The following NTNG2 variants were observed in gnomAD, a reference collection of about 807,000 sequenced individuals.
NTNG2 encodes the protein netrin-G2.
NTNG2 carries 15 observed loss-of-function variants against 47.6 expected under a neutral mutation model. That is an observed-to-expected ratio of 0.32 (90% CI 0.21 to 0.49). The LOEUF (loss-of-function observed/expected upper bound fraction) is 0.49. Among genes scored for constraint, NTNG2 ranks in the 20% least tolerant of loss-of-function variants. The pLI, the probability that NTNG2 is intolerant of heterozygous loss-of-function variation, is 0.99. For missense variants in NTNG2, 578 were observed against 764.6 expected (o/e 0.76, Z 2.88); for synonymous variants, 307 against 324.6 (o/e 0.95, Z 0.58).
intron 7 of NTNG2, 29 bp from the exon 8 acceptor site, chr9:132,241,847 C>T: frequency 1.3e-6 from 2 of 1,501,832 alleles, no homozygotes; most frequent in Non-Finnish European, 1.8e-6. Flanking sequence ...CGGGCCACCC[C>T]CCGTGCTGAC....
At chr9:132,241,090 C>G (rs1213502492) in intron 7 of NTNG2, 46 bp downstream of exon 7, 64 of 1,501,054 alleles carry the variant, frequency 4.3e-5, no homozygotes, top group Non-Finnish European at 5.2e-5. Context: ...GGAAAGGGGA[C>G]GGGGCAGGAC....
chr9:132,166,852 C>T lies in NTNG2; in HGVS notation c.21C>T (p.Leu7=), dbSNP rs775524745. MLHLLA[L]FLHCLPLASG... The stretch of plus-strand genomic sequence containing the variant: ...CAGCCATGCTGCATCTGCTGGCGCT[C>T]TTCCTGCACTGCCTCCCTCTGGCCT... The change falls in exon 2 of 8, where the codon CTC becomes CTT. Residue 7 remains leucine (L), a synonymous_variant. Coordinates refer to ENST00000393229, the MANE Select transcript of NTNG2 (RefSeq NM_032536.4). The T allele has an allele frequency of 6.2e-7, 1 of 1,614,174 alleles. No individual in the cohort carries two copies. The highest frequency in any genetic ancestry group is 1.1e-5 in the South Asian group (1 of 91,084).
chr9:132,180,287 C>T lies in NTNG2; in HGVS notation c.213+13243C>T, dbSNP rs533394652. Among the ~76,000 whole-genome samples, 17 of 152,366 alleles carry T rather than the reference C, an allele frequency of 1.1e-4. No homozygotes were observed. The highest frequency in any genetic ancestry group is 3.8e-4 in the African/African-American group (16 of 41,588). ...AAGAGACCAATGAGAGATGAGCCCA[C>T]GGTGCTCCTGCCCTCCACCAAGGCA... On this transcript the variant is annotated intron_variant, in intron 2 of 7. Coordinates refer to ENST00000393229, the MANE Select transcript of NTNG2 (RefSeq NM_032536.4). This position sits in a 1 kb window ranked among gnomAD's most constrained non-coding sequence, Gnocchi z 4.2.
At chr9:132,237,442 C>T (rs1022096712) in intron 5 of NTNG2, among the ~76,000 whole-genome samples, 11 of 152,180 alleles carry the variant, frequency 7.2e-5, no homozygotes, top group Non-Finnish European at 1.5e-4. Context: ...CCTGCCGCTG[C>T]CCCTGCCCCT....
chr9:132,163,816 G>A lies in NTNG2; in HGVS notation c.-484+1577G>A, dbSNP rs184051648. Among the ~76,000 whole-genome samples, 11 of 152,370 alleles carry A rather than the reference G, an allele frequency of 7.2e-5. No individual in the cohort carries two copies. In the East Asian group the frequency reaches 2.1e-3, roughly 29 times the overall value. ...AGAGAAATCTGAGTTCAGAAATCCT[G>A]ATAAAATCTAATTTTCGAGTTTTAA... On this transcript the variant is annotated intron_variant, in intron 1 of 7. Transcript: ENST00000393229. This position sits in a 1 kb window ranked among gnomAD's most constrained non-coding sequence, Gnocchi z 7.2.
rs889176937 is a variant in NTNG2, at chr9:132,180,087, G to A, written c.213+13043G>A. Among the ~76,000 whole-genome samples the A allele has an allele frequency of 3.9e-5, 6 of 152,152 alleles. No individual in the cohort carries two copies. Among genetic ancestry groups the A allele is most frequent in the Non-Finnish European group, 5.9e-5 (4 of 68,038 alleles). On this transcript the variant is annotated intron_variant, in intron 2 of 7. Coordinates refer to ENST00000393229, the MANE Select transcript of NTNG2 (RefSeq NM_032536.4). The surrounding 1 kb of genome is among the most constrained non-coding windows in gnomAD (Gnocchi z 4.2). ...TTCTGTCCCAGGGCAGTTTGTCTTG[G>A]GTCTCTCAGGGACCGTTTGGGCCTC...
chr9:132,228,335 C>T (rs1340078709), intron 4 of NTNG2, among the ~76,000 whole-genome samples: 2 of 152,228 alleles, frequency 1.3e-5, no homozygotes, highest in Non-Finnish European at 2.9e-5. Context: ...CTCGGGTCTT[C>T]AAAGGCACAA....
intron 5 of NTNG2, among the ~76,000 whole-genome samples, chr9:132,234,722 G>A (rs879611108): frequency 3.3e-5 from 5 of 152,252 alleles, no homozygotes; most frequent in South Asian, 4.1e-4. Context: ...AGGCTCTGAA[G>A]CAAATGCCTT....
At chr9:132,161,960 C>G (rs1030454461), upstream of NTNG2, 1 of 150,412 alleles carries the variant, frequency 6.6e-6, no homozygotes, top group Non-Finnish European at 1.5e-5. The surrounding 1 kb of genome is among the most constrained non-coding windows in gnomAD (Gnocchi z 7.2). Context: ...TCAGCCCGGG[C>G]GGGCGATGCG....
chr9:132,162,689 C>T lies in NTNG2; in HGVS notation c.-484+450C>T, dbSNP rs574141114. Among the ~76,000 whole-genome samples, 114 of 151,314 alleles carry T rather than the reference C, an allele frequency of 7.5e-4. 1 individual carries two copies. In the South Asian group the frequency reaches 0.013, roughly 17 times the overall value. On this transcript the variant is annotated intron_variant, in intron 1 of 7. Transcript: ENST00000393229. This position sits in a 1 kb window ranked among gnomAD's most constrained non-coding sequence, Gnocchi z 4.6. ...AACTAACCCTGCTCCCGCGCCTCTC[C>T]CCCACCCCAATTCCACCGCCACCGC...
rs568463296 is a variant in NTNG2, at chr9:132,162,064, A to ACGGCGGCGG, written c.-648_-640dup. 4,206 of 149,880 alleles carry ACGGCGGCGG rather than the reference A, an allele frequency of 0.028. 147 individuals are homozygous for ACGGCGGCGG. The highest frequency in any genetic ancestry group is 0.042 in the Non-Finnish European group (2,848 of 67,502). 9.3% of individuals were successfully genotyped at this position (149,880 alleles called of 1,614,324 possible). A position where few individuals can be genotyped will look rare whatever the true frequency, so the allele number is the denominator to read the frequency against. Reference sequence around the variant, plus strand: ...CGGAGGGCTCCCTGGCCCCGATCTGACGGCGGCGGCGGCGGCGGCCACAGC... The same window carrying ACGGCGGCGG: ...CGGAGGGCTCCCTGGCCCCGATCTGACGGCGGCGGCGGCGGCGGCGGCGGCGGCCACAGC... On this transcript the variant is annotated 5_prime_UTR_variant, in exon 1 of 8. Transcript: ENST00000393229. This position sits in a 1 kb window ranked among gnomAD's most constrained non-coding sequence, Gnocchi z 4.6.
rs1290671332 is a variant in NTNG2, at chr9:132,242,671, G to C, written c.*560G>C. On this transcript the variant is annotated 3_prime_UTR_variant, in exon 8 of 8. Coordinates refer to ENST00000393229, the MANE Select transcript of NTNG2 (RefSeq NM_032536.4). The surrounding 1 kb of genome is among the most constrained non-coding windows in gnomAD (Gnocchi z 5.9). ...CCACGGAACTCACCGTCTGGGGGAGGAGGAGAGAAGGAAGGGGTGGGGGGC... is the reference window on the plus strand; with the variant it reads ...CCACGGAACTCACCGTCTGGGGGAGCAGGAGAGAAGGAAGGGGTGGGGGGC... 1 of 152,414 alleles carries C rather than the reference G, an allele frequency of 6.6e-6. No homozygotes were observed. The highest frequency in any genetic ancestry group is 2.4e-5 in the African/African-American group (1 of 41,412). 9.4% of individuals were successfully genotyped at this position (152,414 alleles called of 1,614,324 possible).
At chr9:132,211,197 GCCTCTTTCCACTCTGTGGGACAAAGCCC>G (rs1455573998) in intron 3 of NTNG2, among the ~76,000 whole-genome samples, 1 of 152,140 alleles carries the variant, frequency 6.6e-6, no homozygotes, top group African/African-American at 2.4e-5. Context: ...GTTCCTGGAG[GCCTCTTTCCACTCTGTGGGACAAAGCCC>G]CCTCTGGGCT....
chr9:132,169,865 C>T (rs551478190), intron 2 of NTNG2, among the ~76,000 whole-genome samples: 50 of 152,332 alleles, frequency 3.3e-4, no homozygotes, highest in African/African-American at 1.2e-3. Context: ...CTTTGCCTCT[C>T]CCCAGCCTTG....
chr9:132,220,123 C>T (rs568967573), intron 3 of NTNG2, among the ~76,000 whole-genome samples: 3 of 152,288 alleles, frequency 2.0e-5, no homozygotes, highest in African/African-American at 7.2e-5. Context: ...GCTTCTTGGC[C>T]ATTTGTATGC....
At chr9:132,237,581 G>T (rs916283166) in intron 5 of NTNG2, among the ~76,000 whole-genome samples, 1 of 152,166 alleles carries the variant, frequency 6.6e-6, no homozygotes, top group South Asian at 2.1e-4. Flanking sequence ...CCCATCCGCC[G>T]CTGGAAAAAG....
rs371287050 is a variant in NTNG2 at position 132,223,568 on chromosome 9, T to C, written c.858-3281T>C. ...TGCCAGTTACACATCCTCAAAACAA[T>C]CTCTGAATGGACGAGAGCCAGTCAG... On this transcript the variant is annotated intron_variant, in intron 3 of 7. Coordinates refer to ENST00000393229, the MANE Select transcript of NTNG2 (RefSeq NM_032536.4). Among the ~76,000 whole-genome samples the C allele has an allele frequency of 2.6e-5, 4 of 151,794 alleles. No individual in the cohort carries two copies. In the East Asian group the frequency reaches 7.8e-4, roughly 29 times the overall value.
At chr9:132,181,946 G>A (rs997372448) in intron 2 of NTNG2, among the ~76,000 whole-genome samples, 2 of 152,210 alleles carry the variant, frequency 1.3e-5, no homozygotes, top group Admixed American at 1.3e-4. Context: ...CTGATAGACG[G>A]AGGCGGCTGT....
chr9:132,176,504 G>A (rs1045181832), intron 2 of NTNG2, among the ~76,000 whole-genome samples: 6 of 152,198 alleles, frequency 3.9e-5, no homozygotes, highest in African/African-American at 1.4e-4. Flanking sequence ...TGTCCACATT[G>A]TCGCATGACT....
Sources: gnomAD v4.1 joint callset for allele counts (sites outside exome capture counted in the v4.1 genomes callset) on GRCh38, gnomAD v4.1.1 for gene constraint, Gnocchi (gnomAD v3.1) non-coding constraint, MANE v1.5 for transcripts, NCBI Gene and HGNC (gene_info 2026-07-23, HGNC 2026-07-21) for gene names.